The following CASD1 variants were observed in gnomAD, a reference collection of about 807,000 sequenced individuals.
CASD1 encodes N-acetylneuraminate (7)9-O-acetyltransferase.
CASD1 carries 41 observed loss-of-function variants against 100.0 expected under a neutral mutation model. The ratio of observed to expected loss-of-function variants is 0.41; its 90% confidence interval spans 0.32 to 0.53. The LOEUF is 0.53. CASD1 is among the 20% of genes least tolerant of loss of function. The pLI, the probability that CASD1 is intolerant of heterozygous loss-of-function variation, is 0.25. For synonymous variants in CASD1, 321 were observed against 315.6 expected, an observed-to-expected ratio of 1.02 and a Z score of -0.18; for missense variants, 774 against 948.7, an observed-to-expected ratio of 0.82 and a Z score of 2.42.
downstream of CASD1, among the ~76,000 whole-genome samples, chr7:94,561,081 A>G (rs1796331315): frequency 1.3e-5 from 2 of 152,096 alleles, no homozygotes; most frequent in Non-Finnish European, 2.9e-5. Flanking sequence ...CCCCATCTCT[A>G]CTAAAAATAC....
the CASD1 span, among the ~76,000 whole-genome samples, chr7:94,602,056 T>C: frequency 3.9e-5 from 6 of 152,150 alleles, no homozygotes; most frequent in African/African-American, 1.4e-4. Flanking sequence ...ATTTTTTAAC[T>C]TTTAGAGACT....
At chr7:94,557,978 A>G (rs1187380142), downstream of CASD1, among the ~76,000 whole-genome samples, 1 of 152,108 alleles carries the variant, frequency 6.6e-6, no homozygotes, top group Non-Finnish European at 1.5e-5. Flanking sequence ...TTTTAACAGG[A>G]TGTTTAGATA....
At chr7:94,544,175 C>CA (rs1474369826) in intron 10 of CASD1, among the ~76,000 whole-genome samples, 21 of 152,280 alleles carry the variant, frequency 1.4e-4, no homozygotes, top group African/African-American at 5.1e-4. Flanking sequence ...TTAGAAAACT[C>CA]AAAGTCATGT....
chr7:94,618,736 A>G, the CASD1 span: 4 of 1,588,460 alleles, frequency 2.5e-6, no homozygotes, highest in African/African-American at 5.4e-5. Context: ...TATTTAAGGC[A>G]ATGAGATAAA....
chr7:94,568,220 G>A, the CASD1 span, among the ~76,000 whole-genome samples: 6 of 152,002 alleles, frequency 3.9e-5, no homozygotes, highest in East Asian at 3.9e-4. Context: ...TACATAAATC[G>A]TCCCATACAT....
chr7:94,605,032 C>T, the CASD1 span, among the ~76,000 whole-genome samples: 9 of 151,424 alleles, frequency 5.9e-5, no homozygotes, highest in Non-Finnish European at 1.3e-4. Context: ...CAACACCTGA[C>T]CACCATATTA....
chr7:94,598,918 C>T, the CASD1 span: 5 of 1,613,910 alleles, frequency 3.1e-6, no homozygotes, highest in Middle Eastern at 5.0e-4. Flanking sequence ...TGTCTCGAAG[C>T]TCCTTGGTAG....
At chr7:94,607,441 A>G in the CASD1 span, among the ~76,000 whole-genome samples, 1 of 152,204 alleles carries the variant, frequency 6.6e-6, no homozygotes, top group Admixed American at 6.5e-5. Flanking sequence ...CAATGTATAA[A>G]AGGAATTATA....
chr7:94,535,187 C>G, intron 7 of CASD1, 122 bp from the exon 8 acceptor site: 1 of 692,688 alleles, frequency 1.4e-6, no homozygotes, highest in Non-Finnish European at 2.4e-6. Context: ...CTATTAGGTA[C>G]CTGGTACCAT....
chr7:94,535,969 G>A (rs1374707638), intron 8 of CASD1, among the ~76,000 whole-genome samples: 1 of 152,152 alleles, frequency 6.6e-6, no homozygotes, highest in Non-Finnish European at 1.5e-5. Flanking sequence ...CTGGCCAGGC[G>A]CAGTGGCTCA....
At chr7:94,545,065 T>TA (rs1795609290) in intron 11 of CASD1, among the ~76,000 whole-genome samples, 1 of 152,142 alleles carries the variant, frequency 6.6e-6, no homozygotes, top group African/African-American at 2.4e-5. Flanking sequence ...ATCAAGCTGA[T>TA]ATCTGAAATG....
chr7:94,583,214 C>T, the CASD1 span, among the ~76,000 whole-genome samples: 2 of 152,160 alleles, frequency 1.3e-5, no homozygotes, highest in African/African-American at 4.8e-5. Context: ...TCTTTTCTGT[C>T]ATCAGTGTAG....
the CASD1 span, chr7:94,603,438 A>G: frequency 1.2e-6 from 2 of 1,613,262 alleles, no homozygotes; most frequent in Admixed American, 1.7e-5. Context: ...ATCTGCACCA[A>G]CCATGACATA....
chr7:94,586,082 A>C, the CASD1 span, among the ~76,000 whole-genome samples: 17 of 150,632 alleles, frequency 1.1e-4, 1 homozygote, highest in African/African-American at 4.1e-4. Context: ...AAAAAAAAAA[A>C]AAAAACAACA....
At chr7:94,550,933 G>A (rs1296975394) in intron 14 of CASD1, among the ~76,000 whole-genome samples, 1 of 152,030 alleles carries the variant, frequency 6.6e-6, no homozygotes, top group Non-Finnish European at 1.5e-5. Context: ...TCAGAATTAT[G>A]ACTTGGTGGT....
At chr7:94,580,576 GAT>G in the CASD1 span, among the ~76,000 whole-genome samples, 1 of 152,080 alleles carries the variant, frequency 6.6e-6, no homozygotes, top group Non-Finnish European at 1.5e-5. Context: ...ATAAAGTCAG[GAT>G]ATAACTTTCC....
chr7:94,578,131 T>C, the CASD1 span, among the ~76,000 whole-genome samples: 2 of 152,218 alleles, frequency 1.3e-5, no homozygotes, highest in Non-Finnish European at 2.9e-5. Flanking sequence ...GGTTAACTTC[T>C]AGAGTTTTAC....
chr7:94,608,769 A>G, the CASD1 span, among the ~76,000 whole-genome samples: 4 of 152,250 alleles, frequency 2.6e-5, no homozygotes, highest in African/African-American at 9.6e-5. Context: ...ATAGACCCAC[A>G]TAAATCTATT....
At chr7:94,578,926 A>G in the CASD1 span, among the ~76,000 whole-genome samples, 1 of 152,132 alleles carries the variant, frequency 6.6e-6, no homozygotes, top group Non-Finnish European at 1.5e-5. Context: ...AGATAGACCT[A>G]TTCTGATCAT....
Sources: allele counts gnomAD v4.1 joint callset (sites outside exome capture counted in the v4.1 genomes callset), GRCh38; gene constraint gnomAD v4.1.1; transcripts MANE v1.5; gene names NCBI Gene and HGNC (gene_info 2026-07-23, HGNC 2026-07-21).